Variants in STAG1 observed in about 807,000 individuals in gnomAD.
The protein encoded by STAG1 is cohesin subunit SA-1.
In STAG1, 26 loss-of-function variants were observed where a neutral mutation model predicts 170.9. That is an observed-to-expected ratio of 0.15 (90% confidence interval 0.11 to 0.21). The LOEUF is 0.21. Ranked by LOEUF, STAG1 falls within the 10% of genes least tolerant of loss-of-function variation. The pLI, the probability that STAG1 is intolerant of heterozygous loss-of-function variation, is 1.00. For missense variants in STAG1, 964 were observed against 1,509.5 expected, an observed-to-expected ratio of 0.64 and a Z score of 5.99; for synonymous variants, 514 against 497.7, an observed-to-expected ratio of 1.03 and a Z score of -0.44.
chr3:136,651,450 T>C (rs1323032046), intron 1 of STAG1, among the ~76,000 whole-genome samples: 1 of 151,266 alleles, frequency 6.6e-6, no homozygotes, highest in East Asian at 1.9e-4. Flanking sequence ...TTGGCTGTAA[T>C]ATTTACTAAC....
chr3:136,598,941 T>G (rs575237488), intron 4 of STAG1, among the ~76,000 whole-genome samples: 1 of 152,182 alleles, frequency 6.6e-6, no homozygotes, highest in Non-Finnish European at 1.5e-5. Flanking sequence ...TCTTGCTCAC[T>G]CCTGAGAACA....
intron 16 of STAG1, among the ~76,000 whole-genome samples, chr3:136,425,755 T>A (rs1193588581): frequency 6.7e-6 from 1 of 149,534 alleles, no homozygotes; most frequent in African/African-American, 2.4e-5. Flanking sequence ...TACATATATA[T>A]CTATAAAAGA....
chr3:136,573,671 C>G (rs1937348138), intron 4 of STAG1, among the ~76,000 whole-genome samples: 2 of 151,886 alleles, frequency 1.3e-5, no homozygotes, highest in African/African-American at 4.8e-5. Context: ...ATTGTCCAAG[C>G]TGGATAAAAA....
intron 1 of STAG1, among the ~76,000 whole-genome samples, chr3:136,729,950 G>A (rs1380765734): frequency 5.5e-5 from 7 of 127,792 alleles, no homozygotes; most frequent in African/African-American, 1.8e-4. Flanking sequence ...GTGCAGTAGC[G>A]TGATCTCAGC....
intron 13 of STAG1, among the ~76,000 whole-genome samples, chr3:136,461,849 G>A (rs1402275906): frequency 6.6e-6 from 1 of 152,064 alleles, no homozygotes; most frequent in Non-Finnish European, 1.5e-5. Context: ...CAACCCCTTA[G>A]CAAAAACGAA....
chr3:136,690,056 C>CAAAAAAAAAAAAAAA (rs57082567), intron 1 of STAG1, among the ~76,000 whole-genome samples: 26 of 56,336 alleles, frequency 4.6e-4, no homozygotes, highest in South Asian at 7.8e-4. Context: ...AAAAGCAAAC[C>CAAAAAAAAAAAAAAA]AAAAAAAAAA....
chr3:136,608,022 C>T (rs1016793885), intron 3 of STAG1, among the ~76,000 whole-genome samples: 4 of 152,100 alleles, frequency 2.6e-5, no homozygotes, highest in African/African-American at 7.2e-5. Context: ...CTTGGGAGGC[C>T]AAGGCGGGCA....
intron 23 of STAG1, among the ~76,000 whole-genome samples, chr3:136,370,905 G>A (rs975468810): frequency 6.6e-6 from 1 of 152,224 alleles, no homozygotes; most frequent in Admixed American, 6.5e-5. Flanking sequence ...CAAATGGTAT[G>A]TCTAGTTCTA....
chr3:136,728,837 A>C (rs1251678971), intron 1 of STAG1, among the ~76,000 whole-genome samples: 1 of 152,218 alleles, frequency 6.6e-6, no homozygotes, highest in Admixed American at 6.5e-5. Context: ...TTTATTAGGA[A>C]GTGCTTAGTA....
chr3:136,617,397 T>C (rs1177048773), intron 3 of STAG1, among the ~76,000 whole-genome samples: 1 of 152,172 alleles, frequency 6.6e-6, no homozygotes, highest in African/African-American at 2.4e-5. Context: ...GTAGTGGTCA[T>C]CACAAAGTCC....
chr3:136,510,126 C>G (rs1421941077), intron 7 of STAG1, among the ~76,000 whole-genome samples: 1 of 152,166 alleles, frequency 6.6e-6, no homozygotes, highest in Non-Finnish European at 1.5e-5. Flanking sequence ...AATCCCATTA[C>G]TGGGTATATA....
chr3:136,341,908 G>C (rs1935990202), intron 30 of STAG1, among the ~76,000 whole-genome samples: 1 of 152,152 alleles, frequency 6.6e-6, no homozygotes, highest in Non-Finnish European at 1.5e-5. Context: ...AAGTTCTCCA[G>C]AATTCAACAA....
chr3:136,689,849 C>G (rs1466559956), intron 1 of STAG1, among the ~76,000 whole-genome samples: 3 of 151,918 alleles, frequency 2.0e-5, no homozygotes, highest in Non-Finnish European at 4.4e-5. Flanking sequence ...CAAGACCAGC[C>G]TGGCCTAGAT....
chr3:136,408,271 T>G (rs1426167167), intron 21 of STAG1, among the ~76,000 whole-genome samples: 1 of 152,178 alleles, frequency 6.6e-6, no homozygotes, highest in African/African-American at 2.4e-5. Flanking sequence ...TCAATTCTGA[T>G]AGAGATTGGC....
rs760261047 is a variant in STAG1, at chr3:136,338,331, G to C, written c.3753+39C>G. The C allele has an allele frequency of 9.4e-6, 15 of 1,588,758 alleles. No individual in the cohort carries two copies. In the African/African-American group the frequency reaches 1.9e-4, roughly 20 times the overall value. On this transcript the variant is annotated intron_variant, in intron 33 of 33. Coordinates refer to ENST00000383202, the MANE Select transcript of STAG1 (RefSeq NM_005862.3). The stretch of plus-strand genomic sequence containing the variant: ...TAATTTCATGCATAAACAGGACCCA[G>C]GAACCATAAATAAAAAGCAGTAATA...
chr3:136,409,218 C>T (rs2087561421), intron 21 of STAG1, among the ~76,000 whole-genome samples: 1 of 151,986 alleles, frequency 6.6e-6, no homozygotes. Flanking sequence ...GAGCCAAGAT[C>T]GCACCACTAC....
At chr3:136,604,688 T>A (rs1334576464) in intron 3 of STAG1, among the ~76,000 whole-genome samples, 1 of 152,168 alleles carries the variant, frequency 6.6e-6, no homozygotes, top group Non-Finnish European at 1.5e-5. Flanking sequence ...TCTTGCTCTG[T>A]CGCCCAGGAT....
intron 4 of STAG1, among the ~76,000 whole-genome samples, chr3:136,603,061 T>C (rs932783395): frequency 2.6e-5 from 4 of 151,892 alleles, no homozygotes; most frequent in Non-Finnish European, 5.9e-5. Context: ...TCTGGTAACA[T>C]ACATAAAAAG....
In STAG1 at chr3:136,543,955, T is replaced by C. The variant is rs910784940; in HGVS notation, c.395-1760A>G. ...GAAGCAAGCTAAAAGCTCCAGTTCC[T>C]AAGTTGAGTTCTACAGGAAGTCAGA... On this transcript the variant is annotated intron_variant, in intron 5 of 33. Transcript: ENST00000383202. Among the ~76,000 whole-genome samples, 8 of 152,266 alleles carry C rather than the reference T, an allele frequency of 5.3e-5. No homozygotes were observed. In the East Asian group the frequency reaches 1.5e-3, roughly 29 times the overall value.
Sources: gnomAD v4.1 joint callset for allele counts (sites outside exome capture counted in the v4.1 genomes callset) on GRCh38, gnomAD v4.1.1 for gene constraint, MANE v1.5 for transcripts, NCBI Gene and HGNC (gene_info 2026-07-23, HGNC 2026-07-21) for gene names.